The following SYT1 variants were observed in gnomAD, a reference collection of about 807,000 sequenced individuals.
SYT1 encodes synaptotagmin 1, also known as synaptotagmin-1.
In SYT1, 8 loss-of-function variants were observed where a neutral mutation model predicts 44.8. The observed-to-expected ratio is 0.18, with a 90% confidence interval of 0.10 to 0.32. The LOEUF (loss-of-function observed/expected upper bound fraction) is 0.32, where lower values mean the gene tolerates loss of function less well. Ranked by LOEUF, SYT1 falls within the 10% of genes least tolerant of loss-of-function variation. SYT1 has a pLI of 1.00. For synonymous variants in SYT1, 154 were observed against 188.8 expected (o/e 0.82, Z 1.51); for missense variants, 286 against 509.3 (o/e 0.56, Z 4.22).
At chr12:78,902,705 T>G (rs1875731131) in intron 1 of SYT1, among the ~76,000 whole-genome samples, 2 of 152,128 alleles carry the variant, frequency 1.3e-5, no homozygotes, top group South Asian at 4.2e-4. Context: ...CATAAGAAAT[T>G]TAAGTTTATT....
intron 8 of SYT1, among the ~76,000 whole-genome samples, chr12:79,307,522 A>G (rs940457926): frequency 9.2e-5 from 14 of 151,710 alleles, no homozygotes; most frequent in African/African-American, 3.4e-4. Context: ...CTGAGGCTGG[A>G]GTCCTCCCAG....
intron 3 of SYT1, among the ~76,000 whole-genome samples, chr12:79,079,400 A>T (rs1876876893): frequency 1.3e-5 from 2 of 152,144 alleles, no homozygotes; most frequent in South Asian, 4.1e-4. Context: ...TTATAAGAAG[A>T]TTGACATGTA....
intron 2 of SYT1, among the ~76,000 whole-genome samples, chr12:79,000,594 T>C (rs1481081507): frequency 6.6e-6 from 1 of 152,168 alleles, no homozygotes; most frequent in Non-Finnish European, 1.5e-5. Context: ...CCACTGTGCA[T>C]GGCCACCTTA....
chr12:79,110,422 T>C (rs922929407), intron 3 of SYT1, among the ~76,000 whole-genome samples: 9 of 152,184 alleles, frequency 5.9e-5, no homozygotes, highest in African/African-American at 1.4e-4. Flanking sequence ...ATAGGGACTT[T>C]ATGGGGTTTT....
intron 1 of SYT1, among the ~76,000 whole-genome samples, chr12:78,976,007 GCAAA>G (rs1183938819): frequency 2.0e-5 from 3 of 152,148 alleles, no homozygotes; most frequent in African/African-American, 4.8e-5. Flanking sequence ...CACATACACA[GCAAA>G]CAAACAGTGT....
intron 6 of SYT1, among the ~76,000 whole-genome samples, chr12:79,294,798 G>A (rs1213360202): frequency 1.3e-5 from 2 of 151,688 alleles, no homozygotes; most frequent in Non-Finnish European, 2.9e-5. Flanking sequence ...TTTATAATCC[G>A]ATGCCTATTT....
chr12:79,357,554 T>A (rs950112278), intron 9 of SYT1, among the ~76,000 whole-genome samples: 12 of 152,196 alleles, frequency 7.9e-5, no homozygotes, highest in Non-Finnish European at 1.6e-4. Flanking sequence ...TGTATTTGTG[T>A]ATCTAAACAT....
rs373874104 is a variant in SYT1 at position 79,213,754 on chromosome 12, G to T, written c.-17-3749G>T. 6.6e-5 allele frequency among the ~76,000 whole-genome samples: 10 copies of T among 152,202 alleles called. No individual in the cohort carries two copies. The South Asian group carries it at 2.1e-3, about 32-fold the overall frequency. ...AGCCTGGCCAACATGGTGAAACTCC[G>T]TCTCTACTGAAAATACAAAAATTAG... On this transcript the variant is annotated intron_variant, in intron 3 of 10. Coordinates refer to ENST00000261205, the MANE Select transcript of SYT1 (RefSeq NM_005639.3).
In SYT1 at chr12:79,156,013, CAT is replaced by C. The variant is rs1309742320; in HGVS notation, c.-17-61487_-17-61486del. ...CTAACCAATCTTCCTAGAGGAAAAACATATTAAAATCTACTTAGGTCTAACAT... is the reference window on the plus strand; with the variant it reads ...CTAACCAATCTTCCTAGAGGAAAAACATTAAAATCTACTTAGGTCTAACAT... On this transcript the variant is annotated intron_variant, in intron 3 of 10. Transcript: ENST00000261205. Among the ~76,000 whole-genome samples the C allele has an allele frequency of 3.9e-5, 6 of 152,192 alleles. No individual in the cohort carries two copies. The South Asian group carries it at 1.2e-3, about 32-fold the overall frequency.
intron 1 of SYT1, among the ~76,000 whole-genome samples, chr12:78,889,318 G>A (rs936048300): frequency 6.6e-5 from 10 of 151,876 alleles, no homozygotes; most frequent in Admixed American, 2.6e-4. Flanking sequence ...CGTTACCAAA[G>A]GGTTGAGACT....
intron 3 of SYT1, among the ~76,000 whole-genome samples, chr12:79,178,724 A>G (rs890115906): frequency 6.6e-6 from 1 of 151,480 alleles, no homozygotes; most frequent in African/African-American, 2.4e-5. Context: ...TCCATTTCAT[A>G]TGTTTATATC....
At chr12:79,137,469 C>G (rs1166217151) in intron 3 of SYT1, among the ~76,000 whole-genome samples, 1 of 152,078 alleles carries the variant, frequency 6.6e-6, no homozygotes, top group Non-Finnish European at 1.5e-5. Context: ...AAGCAGCTGA[C>G]ATTATACACA....
intron 3 of SYT1, among the ~76,000 whole-genome samples, chr12:79,084,121 G>A (rs558091921): frequency 8.7e-4 from 133 of 152,164 alleles, no homozygotes; most frequent in African/African-American, 3.2e-3. Context: ...TTTTTTAAAA[G>A]AGTTATTTCT....
At chr12:78,886,716 G>C (rs1196307859) in intron 1 of SYT1, among the ~76,000 whole-genome samples, 1 of 151,924 alleles carries the variant, frequency 6.6e-6, no homozygotes, top group Non-Finnish European at 1.5e-5. Flanking sequence ...TTTTCAGGGA[G>C]AATATAAAGT....
chr12:79,288,526 T>C lies in SYT1; in HGVS notation c.351+2555T>C, dbSNP rs77376084. 5.3e-5 allele frequency among the ~76,000 whole-genome samples: 8 copies of C among 152,302 alleles called. No homozygotes were observed. In the East Asian group the frequency reaches 1.2e-3, roughly 22 times the overall value. On this transcript the variant is annotated intron_variant, in intron 5 of 10. Coordinates refer to ENST00000261205, the MANE Select transcript of SYT1 (RefSeq NM_005639.3). ...TATCAAATTCACAGAAATTCCAATT[T>C]CAATATTCATGGCTACATGTCTCTA...
chr12:78,929,404 C>T (rs551684392), intron 1 of SYT1, among the ~76,000 whole-genome samples: 18 of 18,048 alleles, frequency 1.0e-3, no homozygotes, highest in Non-Finnish European at 1.4e-3. Context: ...AGAGAGACTC[C>T]GTCCCAAAAA....
intron 4 of SYT1, among the ~76,000 whole-genome samples, chr12:79,283,007 A>C (rs1284924627): frequency 1.3e-5 from 2 of 152,114 alleles, no homozygotes; most frequent in Non-Finnish European, 2.9e-5. Context: ...TTCTTAGTAA[A>C]CTTGCCAAAT....
At chr12:79,395,123 T>C (rs1884816383) in intron 9 of SYT1, among the ~76,000 whole-genome samples, 1 of 152,000 alleles carries the variant, frequency 6.6e-6, no homozygotes, top group African/African-American at 2.4e-5. Flanking sequence ...GGAAGACTGG[T>C]TGTAGAAGAG....
intron 3 of SYT1, among the ~76,000 whole-genome samples, chr12:79,132,674 C>CAAAAA (rs71091641): frequency 2.3e-5 from 1 of 43,714 alleles, no homozygotes; most frequent in Non-Finnish European, 4.3e-5. Context: ...GGAGTTTTCT[C>CAAAAA]AAAAAAAAAA....
Sources: gnomAD v4.1 joint callset for allele counts (sites outside exome capture counted in the v4.1 genomes callset) on GRCh38, gnomAD v4.1.1 for gene constraint, MANE v1.5 for transcripts, NCBI Gene and HGNC (gene_info 2026-07-23, HGNC 2026-07-21) for gene names.